Variants in SUGCT observed in about 807,000 individuals in gnomAD.
SUGCT encodes succinyl-CoA:glutarate-CoA transferase, also known as succinyl-CoA:glutarate CoA-transferase.
SUGCT carries 41 observed loss-of-function variants against 55.0 expected under a neutral mutation model. That is an observed-to-expected ratio of 0.74 (90% CI 0.58 to 0.97). The LOEUF is 0.97. Among genes scored for constraint, SUGCT ranks in the 50% least tolerant of loss-of-function variants. The pLI is 0.00. For synonymous variants in SUGCT, 187 were observed against 200.4 expected (o/e 0.93, Z 0.56); for missense variants, 568 against 547.8 (o/e 1.04, Z -0.37).
intron 13 of SUGCT, among the ~76,000 whole-genome samples, chr7:40,847,666 C>T (rs919176472): frequency 1.3e-5 from 2 of 152,084 alleles, no homozygotes; most frequent in African/African-American, 4.8e-5. Flanking sequence ...CTGCCCACCT[C>T]AGCCTCCCAA....
intron 12 of SUGCT, among the ~76,000 whole-genome samples, chr7:40,564,741 T>G (rs1796033140): frequency 6.6e-6 from 1 of 152,222 alleles, no homozygotes; most frequent in Non-Finnish European, 1.5e-5. Context: ...AGGAGGGGCT[T>G]GGCCTAACTT....
chr7:40,324,252 A>ATAT (rs1554311560), intron 9 of SUGCT, among the ~76,000 whole-genome samples: 7 of 117,650 alleles, frequency 5.9e-5, no homozygotes, highest in African/African-American at 1.8e-4. Context: ...TAAATAAATA[A>ATAT]ATATATATAT....
At chr7:40,499,934 G>C (rs1340871363) in intron 12 of SUGCT, among the ~76,000 whole-genome samples, 1 of 151,860 alleles carries the variant, frequency 6.6e-6, no homozygotes, top group Non-Finnish European at 1.5e-5. Context: ...TGTGGTTTGA[G>C]GGTTTCCAAC....
At chr7:40,937,244 C>T in the SUGCT span, among the ~76,000 whole-genome samples, 3 of 152,186 alleles carry the variant, frequency 2.0e-5, no homozygotes, top group African/African-American at 4.8e-5. Flanking sequence ...TCTCGGCTCA[C>T]TGCAACCTCT....
chr7:40,463,899 A>G (rs1406604451), intron 11 of SUGCT, among the ~76,000 whole-genome samples: 1 of 152,230 alleles, frequency 6.6e-6, no homozygotes, highest in East Asian at 1.9e-4. Flanking sequence ...AAGAGGAGAT[A>G]TAATGGAGAC....
intron 9 of SUGCT, among the ~76,000 whole-genome samples, chr7:40,367,398 C>A (rs1784049924): frequency 6.6e-6 from 1 of 150,588 alleles, no homozygotes. Flanking sequence ...CACCTATACC[C>A]TAAAACTTAA....
the SUGCT span, among the ~76,000 whole-genome samples, chr7:41,006,047 T>A: frequency 2.0e-5 from 3 of 152,196 alleles, no homozygotes; most frequent in Non-Finnish European, 2.9e-5. Context: ...GAGACATGCT[T>A]ATTGATGTCT....
chr7:40,220,682 A>T (rs1358238126), intron 6 of SUGCT, among the ~76,000 whole-genome samples: 1 of 152,236 alleles, frequency 6.6e-6, no homozygotes, highest in Non-Finnish European at 1.5e-5. Flanking sequence ...CCACAAATAC[A>T]TAGATATATC....
rs780684849 is a variant in SUGCT at position 40,135,072 on chromosome 7, T to C, written c.52T>C (p.Ser18Pro). The change falls in exon 1 of 14, where the codon TCC becomes CCC. Residue 18 changes from serine to proline, a missense_variant. Transcript: ENST00000335693. ...AGCTCTGCGCAGAACCTGCCTCTTC[T>C]CCGGCCGGGGCGGCGGGAGGGGGCT... is the stretch of plus-strand genomic sequence containing the variant. ...VAALRRTCLF[S>P]GRGGGRGLWT... The C allele has an allele frequency of 4.5e-6, 7 of 1,560,466 alleles. No homozygotes were observed. The South Asian group carries it at 7.1e-5, about 16-fold the overall frequency.
At chr7:40,383,211 A>G (rs1784956855) in intron 9 of SUGCT, among the ~76,000 whole-genome samples, 1 of 152,176 alleles carries the variant, frequency 6.6e-6, no homozygotes, top group South Asian at 2.1e-4. Flanking sequence ...TTGAAATTAT[A>G]TACATATTTT....
At chr7:40,903,018 A>G in the SUGCT span, among the ~76,000 whole-genome samples, 1 of 149,714 alleles carries the variant, frequency 6.7e-6, no homozygotes, top group East Asian at 1.9e-4. Flanking sequence ...ACTTTCTTTC[A>G]TTTCTTTTCT....
At chr7:40,495,023 G>C (rs1328313132) in intron 11 of SUGCT, among the ~76,000 whole-genome samples, 3 of 151,918 alleles carry the variant, frequency 2.0e-5, no homozygotes, top group African/African-American at 4.8e-5. Context: ...GGATTCTCTT[G>C]CCTCAGCCTT....
rs184794636 is a variant in SUGCT at position 40,695,758 on chromosome 7, T to A, written c.1090-53676T>A. On this transcript the variant is annotated intron_variant, in intron 12 of 13. Coordinates refer to ENST00000335693, the MANE Select transcript of SUGCT (RefSeq NM_001193313.2). ...AAGAATAATCGTTATGGGGGCTGTCTTGTGCACTATAGGATGTTTATCAGT... is the reference window on the plus strand; with the variant it reads ...AAGAATAATCGTTATGGGGGCTGTCATGTGCACTATAGGATGTTTATCAGT... Among the ~76,000 whole-genome samples the A allele has an allele frequency of 1.4e-3, 217 of 152,274 alleles. 1 individual carries two copies. Among genetic ancestry groups the A allele is most frequent in the African/African-American group, 5.1e-3 (211 of 41,538 alleles).
At chr7:41,031,930 G>A in the SUGCT span, among the ~76,000 whole-genome samples, 1 of 151,484 alleles carries the variant, frequency 6.6e-6, no homozygotes, top group African/African-American at 2.4e-5. Context: ...ATGAGTATAG[G>A]AGCCAGCTTC....
At chr7:40,318,233 A>G (rs1795540232) in intron 9 of SUGCT, among the ~76,000 whole-genome samples, 1 of 152,152 alleles carries the variant, frequency 6.6e-6, no homozygotes, top group Non-Finnish European at 1.5e-5. Flanking sequence ...GCTACCTTTG[A>G]TAAGAAAAGG....
At chr7:40,938,348 T>C in the SUGCT span, among the ~76,000 whole-genome samples, 4 of 152,258 alleles carry the variant, frequency 2.6e-5, no homozygotes, top group African/African-American at 9.6e-5. Flanking sequence ...AAATATTTTC[T>C]AGTATATCAT....
intron 8 of SUGCT, among the ~76,000 whole-genome samples, chr7:40,277,327 G>A (rs961535532): frequency 2.6e-5 from 4 of 151,862 alleles, no homozygotes; most frequent in African/African-American, 7.3e-5. Flanking sequence ...GACTACAGGC[G>A]TGTGTCAAAA....
At chr7:40,498,912 T>C (rs1016687761) in intron 12 of SUGCT, 3 of 368,252 alleles carry the variant, frequency 8.1e-6, no homozygotes, top group African/African-American at 4.3e-5. Flanking sequence ...ATCTGCAAAA[T>C]CTATGCCAAG....
At chr7:41,028,289 G>T in the SUGCT span, among the ~76,000 whole-genome samples, 1 of 152,170 alleles carries the variant, frequency 6.6e-6, no homozygotes, top group Non-Finnish European at 1.5e-5. Context: ...GAATAAGAGC[G>T]GTCAAAGAAA....
Sources: gnomAD v4.1 joint callset for allele counts (sites outside exome capture counted in the v4.1 genomes callset) on GRCh38, gnomAD v4.1.1 for gene constraint, MANE v1.5 for transcripts, NCBI Gene and HGNC (gene_info 2026-07-23, HGNC 2026-07-21) for gene names.